Variants in CTIF observed in about 807,000 individuals in gnomAD.
CTIF encodes the protein CBP80/20-dependent translation initiation factor.
A neutral mutation model predicts 66.0 loss-of-function variants in CTIF; 21 were observed. The observed-to-expected ratio is 0.32, with a 90% CI of 0.23 to 0.46. The LOEUF is 0.46. Among genes scored for constraint, CTIF ranks in the 20% least tolerant of loss-of-function variants. The pLI is 1.00. For missense variants in CTIF, 739 were observed against 812.7 expected (o/e 0.91, Z 1.10); for synonymous variants, 345 against 326.4 (o/e 1.06, Z -0.62).
intron 2 of CTIF, among the ~76,000 whole-genome samples, chr18:48,633,477 G>A (rs971636110): frequency 2.6e-5 from 4 of 152,096 alleles, no homozygotes; most frequent in African/African-American, 9.7e-5. Context: ...CAAGGTGGGT[G>A]GATCACCTGA....
At chr18:48,650,571 C>A (rs1437202063) in intron 3 of CTIF, among the ~76,000 whole-genome samples, 1 of 152,182 alleles carries the variant, frequency 6.6e-6, no homozygotes, top group African/African-American at 2.4e-5. Flanking sequence ...TCCAGGAGAA[C>A]TTCCCCAACC....
intron 1 of CTIF, among the ~76,000 whole-genome samples, chr18:48,551,530 G>A (rs1265909383): frequency 6.6e-6 from 1 of 152,144 alleles, no homozygotes. Context: ...CATGCATTGT[G>A]TGTTATGCTT....
chr18:48,605,790 C>T (rs572501947), intron 1 of CTIF, among the ~76,000 whole-genome samples: 1 of 152,304 alleles, frequency 6.6e-6, no homozygotes, highest in South Asian at 2.1e-4. Context: ...TCCCTTCCGG[C>T]TTCTGTTGAT....
intron 9 of CTIF, among the ~76,000 whole-genome samples, chr18:48,810,729 C>G (rs1037509876): frequency 7.0e-6 from 1 of 142,522 alleles, no homozygotes; most frequent in Non-Finnish European, 1.5e-5. Flanking sequence ...TTTTTTTTTT[C>G]TTATGTTTCA....
intron 10 of CTIF, 43 bp from the exon 11 acceptor site, chr18:48,857,545 G>A (rs747269445): frequency 2.6e-5 from 41 of 1,572,140 alleles, no homozygotes; most frequent in African/African-American, 9.6e-5. Context: ...CCAGTAGCCG[G>A]CATGTCTCCT....
At chr18:48,846,148 G>T (rs2069066594) in intron 10 of CTIF, among the ~76,000 whole-genome samples, 1 of 152,206 alleles carries the variant, frequency 6.6e-6, no homozygotes, top group Admixed American at 6.5e-5. Flanking sequence ...TGTGGCCTTT[G>T]CCTTCTTTAT....
intron 1 of CTIF, among the ~76,000 whole-genome samples, chr18:48,618,139 G>C (rs965656722): frequency 6.6e-6 from 1 of 152,196 alleles, no homozygotes; most frequent in Non-Finnish European, 1.5e-5. Context: ...TCCTTGCCCT[G>C]CTTTGGACTC....
At chr18:48,674,123 C>T (rs1342448762) in intron 6 of CTIF, among the ~76,000 whole-genome samples, 1 of 152,244 alleles carries the variant, frequency 6.6e-6, no homozygotes, top group Non-Finnish European at 1.5e-5. Flanking sequence ...TCTTCATGGA[C>T]AAGTGCTCTG....
chr18:48,600,539 C>T (rs1268987840), intron 1 of CTIF, among the ~76,000 whole-genome samples: 2 of 152,032 alleles, frequency 1.3e-5, no homozygotes, highest in South Asian at 2.1e-4. Flanking sequence ...CTTGGTATCC[C>T]AAGGTCTAGC....
At chr18:48,605,602 ACT>A (rs2090186989) in intron 1 of CTIF, among the ~76,000 whole-genome samples, 1 of 152,050 alleles carries the variant, frequency 6.6e-6, no homozygotes, top group Admixed American at 6.6e-5. Context: ...GAGACCAAAG[ACT>A]CTGATGGACT....
At chr18:48,620,869 G>T (rs2090480317) in intron 2 of CTIF, among the ~76,000 whole-genome samples, 1 of 152,084 alleles carries the variant, frequency 6.6e-6, no homozygotes, top group African/African-American at 2.4e-5. Context: ...CAAACTTTTG[G>T]CTTTGCTGGA....
In CTIF at chr18:48,794,009, A is replaced by G. The variant is rs1274995023; in HGVS notation, c.1372-23212A>G. On this transcript the variant is annotated intron_variant, in intron 9 of 11. Transcript: ENST00000256413. ...TGTTACCTTCGCTTCTGCTCTACAGATTTCATCCCCATCCCCATCTCCCCA... is the reference window on the plus strand; with the variant it reads ...TGTTACCTTCGCTTCTGCTCTACAGGTTTCATCCCCATCCCCATCTCCCCA... 1.9e-4 allele frequency among the ~76,000 whole-genome samples: 29 copies of G among 149,962 alleles called. 1 individual carries two copies. Among genetic ancestry groups the G allele is most frequent in the Non-Finnish European group, 1.0e-4 (7 of 67,490 alleles).
chr18:48,699,531 G>A (rs2092054350), intron 6 of CTIF, among the ~76,000 whole-genome samples: 1 of 152,322 alleles, frequency 6.6e-6, no homozygotes, highest in East Asian at 1.9e-4. Flanking sequence ...AGCTTAGCAG[G>A]TGGTTAGTTG....
At chr18:48,590,792 G>A (rs1293755068) in intron 1 of CTIF, among the ~76,000 whole-genome samples, 1 of 152,106 alleles carries the variant, frequency 6.6e-6, no homozygotes, top group East Asian at 1.9e-4. Context: ...AGGCTCCACT[G>A]GCTTCTGCCA....
intron 3 of CTIF, among the ~76,000 whole-genome samples, chr18:48,641,856 A>G (rs299723): frequency 0.026 from 3,991 of 152,336 alleles, 76 homozygotes; most frequent in Non-Finnish European, 0.042. Context: ...CAGGCCAGCT[A>G]TATGGGCACC....
chr18:48,613,430 C>T (rs2090344746), intron 1 of CTIF, among the ~76,000 whole-genome samples: 1 of 152,066 alleles, frequency 6.6e-6, no homozygotes, highest in South Asian at 2.1e-4. Context: ...CTACAGAGTG[C>T]TGGGCTGAGA....
At position 48,689,022 on chromosome 18, in the gene CTIF, CGGGGCACAGAGAGGTG is replaced by C. The variant is rs981103142; in HGVS notation, c.507+18295_507+18310del. On this transcript the variant is annotated intron_variant, in intron 6 of 11. Transcript: ENST00000256413. ...GCCCCACTCCTCAGCCCCGCCATGC[CGGGGCACAGAGAGGTG>C]GGGGCACAGAGAGGTGAGGGCTCTT... Among the ~76,000 whole-genome samples the C allele has an allele frequency of 3.9e-5, 6 of 152,346 alleles. No homozygotes were observed. The South Asian group carries it at 6.2e-4, about 16-fold the overall frequency.
intron 3 of CTIF, among the ~76,000 whole-genome samples, chr18:48,641,056 C>T (rs1452090284): frequency 6.6e-6 from 1 of 152,172 alleles, no homozygotes; most frequent in Non-Finnish European, 1.5e-5. Context: ...ATCCTCTTCC[C>T]AAAAGACTCA....
chr18:48,744,380 C>A (rs980519823), intron 7 of CTIF, among the ~76,000 whole-genome samples: 4 of 152,164 alleles, frequency 2.6e-5, no homozygotes, highest in African/African-American at 9.7e-5. Flanking sequence ...CATTTCTTCT[C>A]GAATGGCCTC....
Sources: gnomAD v4.1 joint callset for allele counts (sites outside exome capture counted in the v4.1 genomes callset) on GRCh38, gnomAD v4.1.1 for gene constraint, MANE v1.5 for transcripts, NCBI Gene and HGNC (gene_info 2026-07-23, HGNC 2026-07-21) for gene names.